The following MARK3 variants were observed in gnomAD, a reference collection of about 807,000 sequenced individuals.
The protein encoded by MARK3 is microtubule affinity regulating kinase 3, also known as MAP/microtubule affinity-regulating kinase 3.
MARK3 carries 46 observed loss-of-function variants against 90.1 expected under a neutral mutation model. The ratio of observed to expected loss-of-function variants is 0.51; its 90% CI spans 0.40 to 0.65. The LOEUF is 0.65. Among genes scored for constraint, MARK3 ranks in the 30% least tolerant of loss-of-function variants. MARK3 has a pLI of 0.00. For missense variants in MARK3, 818 were observed against 947.2 expected (o/e 0.86, Z 1.79); for synonymous variants, 321 against 332.6 (o/e 0.97, Z 0.38).
chr14:103,397,752 A>C (rs1477623618), intron 1 of MARK3, among the ~76,000 whole-genome samples: 1 of 152,224 alleles, frequency 6.6e-6, no homozygotes, highest in East Asian at 1.9e-4. Flanking sequence ...TATTTTATTC[A>C]AAAGTGAAAC....
At chr14:103,418,018 G>A (rs1048150247) in intron 2 of MARK3, among the ~76,000 whole-genome samples, 6 of 152,002 alleles carry the variant, frequency 3.9e-5, no homozygotes, top group African/African-American at 1.5e-4. Context: ...GCAGTGAGCC[G>A]AGATCGCGCC....
intron 1 of MARK3, among the ~76,000 whole-genome samples, chr14:103,398,917 A>G (rs1039050868): frequency 2.0e-5 from 3 of 152,224 alleles, no homozygotes; most frequent in Admixed American, 2.0e-4. Context: ...AAGGAATAGA[A>G]TGCATGTAAG....
In MARK3 at chr14:103,480,454, A is replaced by T; in HGVS notation, c.1550A>T (p.Asp517Val). The T allele has an allele frequency of 3.1e-6, 5 of 1,613,212 alleles. No homozygotes were observed. Among genetic ancestry groups the T allele is most frequent in the Non-Finnish European group, 4.2e-6 (5 of 1,179,270 alleles). ...TYVCSERTTA[D>V]RHSVIQNGKE... is the part of the protein sequence containing the mutation. ...GTTTGCAGTGAGAGAACTACAGCTG[A>T]TAGACACTCAGTGATTCAGAATGGC... The change falls in exon 14 of 18, where the codon GAT (aspartate) becomes GTT (valine). Residue 517 changes from aspartate to valine, a missense_variant. By Grantham distance (152) the Asp-to-Val change is radical. Transcript: ENST00000429436.
intron 3 of MARK3, among the ~76,000 whole-genome samples, chr14:103,443,384 C>A (rs771740628): frequency 1.3e-5 from 2 of 152,074 alleles, no homozygotes; most frequent in South Asian, 2.1e-4. Context: ...GAAACAGGAA[C>A]GAAAACTACA....
At position 103,424,166 on chromosome 14, in the gene MARK3, C is replaced by T. The variant is rs545589230; in HGVS notation, c.244-4221C>T. ...CGGAGGTTGCAGTGAGCCAAGATCA[C>T]GCCACTGCACTCCAGCCTGGGTGAC... On this transcript the variant is annotated intron_variant, in intron 2 of 17. Coordinates refer to ENST00000429436, the MANE Select transcript of MARK3 (RefSeq NM_001128918.3). Among the ~76,000 whole-genome samples the T allele has an allele frequency of 4.6e-5, 7 of 151,780 alleles. No homozygotes were observed. In the East Asian group the frequency reaches 9.7e-4, roughly 21 times the overall value.
intron 2 of MARK3, among the ~76,000 whole-genome samples, chr14:103,416,541 C>T (rs2091950299): frequency 6.6e-6 from 1 of 152,156 alleles, no homozygotes; most frequent in African/African-American, 2.4e-5. Flanking sequence ...GAGGCCGAAG[C>T]GAGTGGATCA....
intron 2 of MARK3, among the ~76,000 whole-genome samples, chr14:103,424,853 C>G: frequency 6.6e-6 from 1 of 152,190 alleles, no homozygotes; most frequent in East Asian, 1.9e-4. Flanking sequence ...TTTAAAACCT[C>G]ATTATCTGTT....
intron 2 of MARK3, among the ~76,000 whole-genome samples, chr14:103,420,540 T>C (rs1358806829): frequency 6.6e-6 from 1 of 152,152 alleles, no homozygotes; most frequent in Non-Finnish European, 1.5e-5. Context: ...CAACACTTTT[T>C]TTGTGTGTGT....
At chr14:103,412,248 C>T in intron 2 of MARK3, 1 of 742,426 alleles carries the variant, frequency 1.3e-6, no homozygotes, top group South Asian at 1.6e-5. Flanking sequence ...AGCTCATCGT[C>T]TGTCATCTTC....
At chr14:103,426,931 A>G (rs1016340059) in intron 2 of MARK3, among the ~76,000 whole-genome samples, 5 of 152,038 alleles carry the variant, frequency 3.3e-5, no homozygotes, top group African/African-American at 7.2e-5. Context: ...TTCAGATTCA[A>G]TACCCACCTA....
chr14:103,491,213 C>A, intron 14 of MARK3: 1 of 814,216 alleles, frequency 1.2e-6, no homozygotes, highest in Non-Finnish European at 1.6e-6. Flanking sequence ...GTCCACAAGG[C>A]GTCCTTCCTC....
chr14:103,483,938 A>G (rs2093873606), intron 14 of MARK3, among the ~76,000 whole-genome samples: 1 of 152,242 alleles, frequency 6.6e-6, no homozygotes, highest in Non-Finnish European at 1.5e-5. Context: ...TTCATTATTA[A>G]TTATAGACTG....
chr14:103,424,805 G>A (rs2092347090), intron 2 of MARK3, among the ~76,000 whole-genome samples: 1 of 152,150 alleles, frequency 6.6e-6, no homozygotes, highest in East Asian at 1.9e-4. Context: ...TGAAGGTAAA[G>A]TTTGAAGAAA....
At chr14:103,498,453 G>C in intron 15 of MARK3, 49 bp from the exon 16 acceptor site, 1 of 1,186,894 alleles carries the variant, frequency 8.4e-7, no homozygotes, top group Non-Finnish European at 1.1e-6. Flanking sequence ...TTTAATTTGT[G>C]CGAGTTATTT....
At chr14:103,406,941 C>G (rs994851037) in intron 2 of MARK3, among the ~76,000 whole-genome samples, 1 of 152,240 alleles carries the variant, frequency 6.6e-6, no homozygotes, top group African/African-American at 2.4e-5. Context: ...TCACGCCATT[C>G]TCCTGCCTCA....
At chr14:103,446,941 A>G (rs1443574823) in intron 3 of MARK3, among the ~76,000 whole-genome samples, 1 of 152,086 alleles carries the variant, frequency 6.6e-6, no homozygotes, top group Admixed American at 6.5e-5. Context: ...TCAGGCCTGA[A>G]TGGTTGTCAG....
At chr14:103,394,096 C>A (rs890211122) in intron 1 of MARK3, among the ~76,000 whole-genome samples, 27 of 152,246 alleles carry the variant, frequency 1.8e-4, no homozygotes, top group African/African-American at 6.5e-4. Flanking sequence ...TGGGCTGGAA[C>A]AAATTCCTAG....
rs544360425 is a variant in MARK3, at chr14:103,465,450, G to A, written c.541-107G>A. The A allele has an allele frequency of 2.0e-5, 14 of 705,730 alleles. No homozygotes were observed. The East Asian group carries it at 3.5e-4, about 18-fold the overall frequency. The allele number at this position is 705,730 out of a possible 1,614,324, so 43.7% of individuals were successfully genotyped here. On this transcript the variant is annotated intron_variant, in intron 7 of 17. Coordinates refer to ENST00000429436, the MANE Select transcript of MARK3 (RefSeq NM_001128918.3). Reference sequence around the variant, plus strand: ...AAGAATGTTTTCACATTAATTAGGAGGTAACTTCATATCATTACAGAAAGC... The same window carrying A: ...AAGAATGTTTTCACATTAATTAGGAAGTAACTTCATATCATTACAGAAAGC...
At chr14:103,458,825 T>TAA (rs1218220594) in intron 6 of MARK3, 1 of 635,050 alleles carries the variant, frequency 1.6e-6, no homozygotes, top group Non-Finnish European at 2.8e-6. Context: ...AAGTTTCTTA[T>TAA]AAACGTTGCT....
Sources: allele counts gnomAD v4.1 joint callset (sites outside exome capture counted in the v4.1 genomes callset), GRCh38; gene constraint gnomAD v4.1.1; transcripts MANE v1.5; gene names NCBI Gene and HGNC (gene_info 2026-07-23, HGNC 2026-07-21).